Variants in PPM1H observed in about 807,000 individuals in gnomAD.
PPM1H encodes protein phosphatase, Mg2+/Mn2+ dependent 1H.
Under a neutral mutation model 54.9 loss-of-function variants are expected in PPM1H, and 27 were observed. That is an observed-to-expected ratio of 0.49 (90% CI 0.36 to 0.68). The LOEUF (loss-of-function observed/expected upper bound fraction) is 0.68. Ranked by LOEUF, PPM1H falls within the 30% of genes least tolerant of loss-of-function variation. PPM1H has a pLI of 0.00. For missense variants in PPM1H, 596 were observed against 667.8 expected, an observed-to-expected ratio of 0.89 and a Z score of 1.19; for synonymous variants, 305 against 270.8, an observed-to-expected ratio of 1.13 and a Z score of -1.24.
intron 6 of PPM1H, among the ~76,000 whole-genome samples, chr12:62,697,198 C>A (rs1391100525): frequency 6.6e-6 from 1 of 151,252 alleles, no homozygotes; most frequent in Non-Finnish European, 1.5e-5. Context: ...GCGATCTCGG[C>A]TCACTGCAAC....
intron 4 of PPM1H, among the ~76,000 whole-genome samples, chr12:62,738,906 A>G (rs535340459): frequency 2.6e-4 from 40 of 150,994 alleles, no homozygotes; most frequent in Middle Eastern, 3.4e-3. Flanking sequence ...AAATGGCTGC[A>G]GCTGTCATGA....
chr12:62,870,513 T>C (rs1217482305), intron 1 of PPM1H, among the ~76,000 whole-genome samples: 3 of 151,780 alleles, frequency 2.0e-5, no homozygotes, highest in South Asian at 2.1e-4. Context: ...TGGGTGGAAA[T>C]GGAGAAAAGA....
intron 9 of PPM1H, 113 bp downstream of exon 9, chr12:62,667,065 C>T (rs944654802): frequency 3.0e-5 from 37 of 1,214,368 alleles, no homozygotes; most frequent in South Asian, 2.2e-4. Flanking sequence ...GTTACTGTAC[C>T]GTCCATATCA....
chr12:62,861,537 C>T (rs1304612236), intron 1 of PPM1H, among the ~76,000 whole-genome samples: 3 of 152,164 alleles, frequency 2.0e-5, no homozygotes, highest in African/African-American at 7.2e-5. Flanking sequence ...GTTGCTTTCT[C>T]CTCGTCAGAC....
At chr12:62,904,056 G>GC (rs1871237394) in intron 1 of PPM1H, among the ~76,000 whole-genome samples, 1 of 151,972 alleles carries the variant, frequency 6.6e-6, no homozygotes, top group East Asian at 1.9e-4. Flanking sequence ...AATGGTTAAG[G>GC]CTGTCATATT....
chr12:62,792,901 T>C (rs1403936529), intron 3 of PPM1H, among the ~76,000 whole-genome samples: 2 of 152,240 alleles, frequency 1.3e-5, no homozygotes, highest in African/African-American at 4.8e-5. Context: ...CATTTACCAT[T>C]GCATTATCTA....
Position 62,675,998 on chromosome 12 carries a change from C to T in PPM1H, c.1246-8669G>A, listed in dbSNP as rs147087047. On this transcript the variant is annotated intron_variant, in intron 8 of 9. Coordinates refer to ENST00000228705, the MANE Select transcript of PPM1H (RefSeq NM_020700.2). ...GAATGAGGTATATCATATCCTTAAC[C>T]CACCAGCCTGGCATGAGCCACATGC... Among the ~76,000 whole-genome samples, 26 of 152,326 alleles carry T rather than the reference C, an allele frequency of 1.7e-4. No homozygotes were observed. The East Asian group carries it at 5.0e-3, about 29-fold the overall frequency.
At chr12:62,780,706 T>A (rs1169148518) in intron 4 of PPM1H, among the ~76,000 whole-genome samples, 1 of 152,188 alleles carries the variant, frequency 6.6e-6, no homozygotes, top group Non-Finnish European at 1.5e-5. Context: ...CTAAAGGACT[T>A]TTTGAATCTT....
chr12:62,659,022 A>T, intron 9 of PPM1H: 1 of 725,282 alleles, frequency 1.4e-6, no homozygotes, highest in Admixed American at 1.7e-5. Context: ...AAAACAGCAC[A>T]TGCTGCCCAG....
intron 6 of PPM1H, among the ~76,000 whole-genome samples, chr12:62,711,609 T>A (rs1348695354): frequency 6.6e-6 from 1 of 152,110 alleles, no homozygotes; most frequent in Admixed American, 6.6e-5. Flanking sequence ...CAAACACCAG[T>A]CACAGGGGAA....
intron 1 of PPM1H, among the ~76,000 whole-genome samples, chr12:62,837,724 A>C (rs1277953409): frequency 1.3e-5 from 2 of 152,232 alleles, no homozygotes; most frequent in East Asian, 3.9e-4. Flanking sequence ...TGCCTGGTAC[A>C]TAGTAAGCAC....
intron 2 of PPM1H, among the ~76,000 whole-genome samples, chr12:62,815,720 T>A (rs1361699438): frequency 6.6e-6 from 1 of 152,194 alleles, no homozygotes; most frequent in African/African-American, 2.4e-5. Context: ...ATAGTACCTG[T>A]TATAACCAAT....
At chr12:62,903,512 T>C (rs1266229016) in intron 1 of PPM1H, among the ~76,000 whole-genome samples, 1 of 152,108 alleles carries the variant, frequency 6.6e-6, no homozygotes, top group Non-Finnish European at 1.5e-5. Context: ...TTAATTCTGG[T>C]TAAGTAACAA....
At chr12:62,695,427 A>G (rs1424929963) in intron 6 of PPM1H, among the ~76,000 whole-genome samples, 1 of 152,188 alleles carries the variant, frequency 6.6e-6, no homozygotes, top group Non-Finnish European at 1.5e-5. Flanking sequence ...TGGAGAGCTT[A>G]GGAGGTACTT....
chr12:62,749,727 C>T (rs2076431150), intron 4 of PPM1H, among the ~76,000 whole-genome samples: 1 of 152,130 alleles, frequency 6.6e-6, no homozygotes, highest in Non-Finnish European at 1.5e-5. Flanking sequence ...TAACAAGACC[C>T]CAACTATGCA....
At chr12:62,918,909 A>C (rs962834284) in intron 1 of PPM1H, among the ~76,000 whole-genome samples, 1 of 152,242 alleles carries the variant, frequency 6.6e-6, no homozygotes, top group Non-Finnish European at 1.5e-5. Context: ...AGCTAATTAC[A>C]GGTGATAGAA....
intron 4 of PPM1H, chr12:62,755,739 AG>A: frequency 6.5e-6 from 5 of 765,626 alleles, no homozygotes; most frequent in South Asian, 6.4e-5. Context: ...GTATCGTGGA[AG>A]GACTCATGAA....
At chr12:62,849,085 G>A (rs1044109059) in intron 1 of PPM1H, among the ~76,000 whole-genome samples, 11 of 152,128 alleles carry the variant, frequency 7.2e-5, no homozygotes, top group African/African-American at 2.7e-4. Context: ...GGTAACAGAG[G>A]GTGGGAGAGG....
chr12:62,762,844 G>T (rs182734353), intron 4 of PPM1H, among the ~76,000 whole-genome samples: 212 of 152,324 alleles, frequency 1.4e-3, no homozygotes, highest in African/African-American at 5.0e-3. Context: ...GGCAATACCG[G>T]TTAAGAAATA....
Sources: allele counts gnomAD v4.1 joint callset (sites outside exome capture counted in the v4.1 genomes callset), GRCh38; gene constraint gnomAD v4.1.1; transcripts MANE v1.5; gene names NCBI Gene and HGNC (gene_info 2026-07-23, HGNC 2026-07-21).